The following DHTKD1 variants were observed in gnomAD, a reference collection of about 807,000 sequenced individuals.
DHTKD1 encodes the protein 2-oxoadipate dehydrogenase complex component E1.
Under a neutral mutation model 101.8 loss-of-function variants are expected in DHTKD1, and 78 were observed. The observed-to-expected ratio is 0.77, with a 90% CI of 0.64 to 0.93. DHTKD1 has a LOEUF of 0.93. Ranked by LOEUF, DHTKD1 falls within the 40% of genes least tolerant of loss-of-function variation. The probability of loss-of-function intolerance (pLI) is 0.00; values close to 1 mark genes in which losing one functional copy is unlikely to be tolerated. For missense variants in DHTKD1, 1,223 were observed against 1,161.7 expected (o/e 1.05, Z -0.77); for synonymous variants, 462 against 450.3 (o/e 1.03, Z -0.33).
At position 12,100,188 on chromosome 10, in the gene DHTKD1, A is replaced by T. The variant is rs1354564635; in HGVS notation, c.1682A>T (p.Glu561Val). The change falls in exon 9 of 17, where the codon GAG becomes GTG. Residue 561 changes from glutamate to valine, a missense_variant. Coordinates refer to ENST00000263035, the MANE Select transcript of DHTKD1 (RefSeq NM_018706.7). ...LLKTHVQSRM[E>V]KMMDGIKLDW... is the part of the protein sequence containing the mutation. ...CTCTGAATTTTACAGTCCAGAATGGAGAAGATGATGGACGGAATCAAGCTA... is the reference window on the plus strand; with the variant it reads ...CTCTGAATTTTACAGTCCAGAATGGTGAAGATGATGGACGGAATCAAGCTA... 15 of 1,585,956 alleles carry T rather than the reference A, an allele frequency of 9.5e-6. No individual in the cohort carries two copies. The highest frequency in any genetic ancestry group is 1.2e-5 in the Non-Finnish European group (14 of 1,165,082).
chr10:12,091,997 G>A (rs371008422), intron 6 of DHTKD1, among the ~76,000 whole-genome samples: 47 of 148,408 alleles, frequency 3.2e-4, no homozygotes, highest in African/African-American at 9.7e-4. Flanking sequence ...TTTTTAGATG[G>A]AGTCTTGCTC....
intron 14 of DHTKD1, 44 bp downstream of exon 14, chr10:12,117,799 A>C: frequency 9.3e-7 from 1 of 1,074,022 alleles, no homozygotes; most frequent in Non-Finnish European, 1.4e-6. Flanking sequence ...GCAGAATTTT[A>C]ATTAATGGGA....
intron 16 of DHTKD1, 56 bp downstream of exon 16, chr10:12,120,323 T>TTTTC (rs912397287): frequency 6.7e-5 from 97 of 1,442,860 alleles, no homozygotes; most frequent in African/African-American, 5.8e-4. Flanking sequence ...GTTGTTTTTC[T>TTTTC]TTTCTTTCTT....
intron 1 of DHTKD1, among the ~76,000 whole-genome samples, chr10:12,080,562 T>G (rs759595790): frequency 1.2e-3 from 179 of 151,372 alleles, no homozygotes; most frequent in Non-Finnish European, 2.2e-3. Flanking sequence ...ATACAAAACA[T>G]TAGCCGGGCG....
intron 1 of DHTKD1, among the ~76,000 whole-genome samples, chr10:12,070,065 A>G (rs1832631471): frequency 6.6e-6 from 1 of 152,084 alleles, no homozygotes; most frequent in African/African-American, 2.4e-5. Context: ...CTTTAATTTC[A>G]GAGTTTAACT....
At chr10:12,078,729 G>A (rs1832770667) in intron 1 of DHTKD1, among the ~76,000 whole-genome samples, 1 of 152,112 alleles carries the variant, frequency 6.6e-6, no homozygotes, top group South Asian at 2.1e-4. Flanking sequence ...ACACAGGCGG[G>A]AGTGCAGTGG....
rs776400922 is a variant in DHTKD1, at chr10:12,106,335, G to A, written c.1986G>A (p.Glu662=). The A allele has an allele frequency of 2.3e-5, 37 of 1,614,084 alleles. No homozygotes were observed. Among genetic ancestry groups the A allele is most frequent in the Non-Finnish European group, 3.1e-5 (36 of 1,180,040 alleles). The change falls in exon 11 of 17, where the codon GAG becomes GAA. Residue 662 remains glutamate (E), a synonymous_variant. Transcript: ENST00000263035. The part of the protein sequence containing the change: ...IESPKLLPLW[E]AQFGDFFNGA... ...GCCCAAAGTTACTGCCCCTGTGGGA[G>A]GCACAGTTTGGCGATTTCTTCAATG...
intron 7 of DHTKD1, among the ~76,000 whole-genome samples, chr10:12,096,719 T>A (rs1173575714): frequency 6.6e-6 from 1 of 152,246 alleles, no homozygotes; most frequent in African/African-American, 2.4e-5. Flanking sequence ...TGATAATATA[T>A]GTGAATAGAC....
At position 12,101,092 on chromosome 10, in the gene DHTKD1, C is replaced by T. The variant is rs1306313356; in HGVS notation, c.1807C>T (p.Gln603Ter). 2 of 1,613,960 alleles carry T rather than the reference C, an allele frequency of 1.2e-6. No homozygotes were observed. Among genetic ancestry groups the T allele is most frequent in the Admixed American group, 3.3e-5 (2 of 59,976 alleles). ...GQDVGRGTFS[Q>*]RHAIVVCQET... Reference sequence around the variant, plus strand: ...AGATGTTGGTCGTGGAACTTTCAGTCAGAGGCATGCAATCGTGGTTTGCCA... The same window carrying T: ...AGATGTTGGTCGTGGAACTTTCAGTTAGAGGCATGCAATCGTGGTTTGCCA... Residue 603 changes from glutamine to a stop codon, truncating the protein, a stop_gained, in exon 10 of 17, where the codon CAG (glutamine) becomes TAG (stop). Transcript: ENST00000263035. LOFTEE classifies it high-confidence loss of function.
In DHTKD1 at chr10:12,091,469, A is replaced by G. The variant is rs191072261; in HGVS notation, c.988-44A>G. 4 of 1,235,752 alleles carry G rather than the reference A, an allele frequency of 3.2e-6. No individual in the cohort carries two copies. The African/African-American group carries it at 6.2e-5, about 19-fold the overall frequency. The allele number at this position is 1,235,752 out of a possible 1,614,324, so 76.5% of individuals were successfully genotyped here. On this transcript the variant is annotated intron_variant, in intron 5 of 16. Transcript: ENST00000263035. The stretch of plus-strand genomic sequence containing the variant: ...GAAAACCTAGATTTCTTAATCCCTT[A>G]TGTTTCTTTTCTCCCCACCCGCTCC...
rs745332525 is a variant in DHTKD1, at chr10:12,087,639, G to A, written c.627G>A (p.Ser209=). ...TTTTCCACGAGCTGCTGAAAATGTC[G>A]GCCTACAGCGGGATCACTGATGTCA... ...MGFFHELLKM[S]AYSGITDVII... Residue 209 remains serine, a synonymous_variant, in exon 4 of 17, where the codon TCG becomes TCA. Transcript: ENST00000263035. The surrounding 1 kb of genome is among the most constrained non-coding windows in gnomAD (Gnocchi z 5.2). 4.2e-5 allele frequency: 67 copies of A among 1,613,876 alleles called. No homozygotes were observed. The highest frequency in any genetic ancestry group is 7.7e-5 in the South Asian group (7 of 91,050).
chr10:12,097,534 A>G, intron 7 of DHTKD1, 150 bp from the exon 8 acceptor site: 1 of 705,636 alleles, frequency 1.4e-6, no homozygotes, highest in Non-Finnish European at 2.3e-6. Flanking sequence ...TTGGCCTCCC[A>G]AAATGCTAAG....
chr10:12,070,465 A>C, intron 1 of DHTKD1, among the ~76,000 whole-genome samples: 1 of 152,090 alleles, frequency 6.6e-6, no homozygotes, highest in East Asian at 1.9e-4. Flanking sequence ...GGGCATTTAA[A>C]ATAAACCTCA....
At position 12,117,733 on chromosome 10, in the gene DHTKD1, G is replaced by T; in HGVS notation, c.2380G>T (p.Asp794Tyr). 1.2e-6 allele frequency: 2 copies of T among 1,602,196 alleles called. No individual in the cohort carries two copies. Among genetic ancestry groups the T allele is most frequent in the East Asian group, 4.5e-5 (2 of 44,278 alleles). Reference protein sequence around the residue: ...PGTTFNPVIGDSSVDPKKVKT... With the variant: ...PGTTFNPVIGYSSVDPKKVKT... The stretch of plus-strand genomic sequence containing the variant: ...AACAACATTTAACCCGGTCATTGGT[G>T]ATTCATCTGTGGATCCAAAAAAGTA... Residue 794 changes from aspartate (D) to tyrosine (Y), a missense_variant, in exon 14 of 17, where the codon GAT becomes TAT. By Grantham distance (160) the Asp-to-Tyr change is radical. Coordinates refer to ENST00000263035, the MANE Select transcript of DHTKD1 (RefSeq NM_018706.7).
intron 9 of DHTKD1, 39 bp downstream of exon 9, chr10:12,100,301 T>TTTTTTTTTTTTTTTA (rs1554793009): frequency 1.2e-6 from 1 of 836,654 alleles, no homozygotes; most frequent in African/African-American, 1.8e-5. Flanking sequence ...TTTTTTTTTT[T>TTTTTTTTTTTTTTTA]GAGTCTCACC....
chr10:12,079,686 TAAAAG>T (rs1478549389), intron 1 of DHTKD1, among the ~76,000 whole-genome samples: 1 of 151,646 alleles, frequency 6.6e-6, no homozygotes, highest in African/African-American at 2.4e-5. Flanking sequence ...AATAAAAAAA[TAAAAG>T]GTGAGAGTGG....
chr10:12,078,019 G>A (rs1832761090), intron 1 of DHTKD1, among the ~76,000 whole-genome samples: 2 of 152,104 alleles, frequency 1.3e-5, no homozygotes, highest in South Asian at 4.2e-4. Context: ...TTCTGCTGGT[G>A]CCAAACTGCT....
Position 12,118,838 on chromosome 10 carries a change from C to T in DHTKD1, c.2492C>T (p.Ala831Val), listed in dbSNP as rs1258332476. The change falls in exon 15 of 17, where the codon GCC (alanine) becomes GTC (valine). Residue 831 changes from alanine (A) to valine (V), a missense_variant. Ala to Val is a moderately conservative substitution (Grantham distance 64). Coordinates refer to ENST00000263035, the MANE Select transcript of DHTKD1 (RefSeq NM_018706.7). ...ESLGAKKHDF[A>V]IIRVEELCPF... ...CTGGGGGCCAAGAAGCATGACTTTGCCATCATCCGAGTAGAGGAACTCTGC... is the reference window on the plus strand; with the variant it reads ...CTGGGGGCCAAGAAGCATGACTTTGTCATCATCCGAGTAGAGGAACTCTGC... The T allele has an allele frequency of 1.9e-6, 3 of 1,608,472 alleles. No homozygotes were observed. The highest frequency in any genetic ancestry group is 1.7e-5 in the Admixed American group (1 of 59,002).
At chr10:12,079,220 GATT>G (rs1438757208) in intron 1 of DHTKD1, among the ~76,000 whole-genome samples, 3 of 152,158 alleles carry the variant, frequency 2.0e-5, no homozygotes, top group Non-Finnish European at 4.4e-5. Context: ...GGGTAGTTGG[GATT>G]ATAGGTGTGC....
Sources: allele counts gnomAD v4.1 joint callset (sites outside exome capture counted in the v4.1 genomes callset), GRCh38; gene constraint gnomAD v4.1.1; non-coding constraint Gnocchi (gnomAD v3.1); transcripts MANE v1.5; gene names NCBI Gene and HGNC (gene_info 2026-07-23, HGNC 2026-07-21).